CLEC16A: variants seen among roughly 807,000 people sequenced by gnomAD.
CLEC16A encodes the protein C-type lectin domain containing 16A, also known as protein CLEC16A.
In CLEC16A, 51 loss-of-function variants were observed where a neutral mutation model predicts 109.5. The ratio of observed to expected loss-of-function variants is 0.47; its 90% CI spans 0.37 to 0.59. CLEC16A has a LOEUF of 0.59. CLEC16A is among the 20% of genes least tolerant of loss of function. The pLI, the probability that CLEC16A is intolerant of heterozygous loss-of-function variation, is 0.00. For synonymous variants in CLEC16A, 673 were observed against 564.2 expected (o/e 1.19, Z -2.73); for missense variants, 1,339 against 1,394.0 (o/e 0.96, Z 0.63).
At chr16:10,967,859 C>T (rs912886574) in intron 3 of CLEC16A, among the ~76,000 whole-genome samples, 1 of 152,188 alleles carries the variant, frequency 6.6e-6, no homozygotes, top group Non-Finnish European at 1.5e-5. Flanking sequence ...CCAGAGCTTC[C>T]CAAACACTAG....
At chr16:11,114,932 G>A (rs867921748) in intron 19 of CLEC16A, among the ~76,000 whole-genome samples, 13 of 152,320 alleles carry the variant, frequency 8.5e-5, no homozygotes, top group Middle Eastern at 3.4e-3. Flanking sequence ...TGGTGTGGCC[G>A]CATTTTAGTT....
intron 2 of CLEC16A, among the ~76,000 whole-genome samples, chr16:10,962,016 G>A (rs2042272377): frequency 7.1e-6 from 1 of 140,824 alleles, no homozygotes; most frequent in South Asian, 2.2e-4. Context: ...GCAGTGGCCT[G>A]ATCATATCTC....
intron 7 of CLEC16A, among the ~76,000 whole-genome samples, chr16:10,975,412 G>GT (rs1340187087): frequency 1.3e-5 from 2 of 152,156 alleles, no homozygotes; most frequent in African/African-American, 4.8e-5. Flanking sequence ...TGCTATTTGA[G>GT]TTTTAAACCT....
intron 22 of CLEC16A, among the ~76,000 whole-genome samples, chr16:11,164,065 T>C (rs1464154627): frequency 6.6e-6 from 1 of 152,094 alleles, no homozygotes; most frequent in East Asian, 1.9e-4. Flanking sequence ...TTGCCATAGT[T>C]CATCTGAGCG....
intron 2 of CLEC16A, among the ~76,000 whole-genome samples, chr16:10,959,435 A>G (rs1027120350): frequency 6.6e-6 from 1 of 152,192 alleles, no homozygotes; most frequent in Non-Finnish European, 1.5e-5. Flanking sequence ...TCTGTCATCC[A>G]GGCTGGAGTG....
Position 10,972,575 on chromosome 16 carries a change from C to T in CLEC16A, c.604+16C>T. On this transcript the variant is annotated intron_variant, in intron 6 of 23. Coordinates refer to ENST00000409790, the MANE Select transcript of CLEC16A (RefSeq NM_015226.3). ...CCAGTGTCATGTAAGTTATTAACCT[C>T]TGGTTTTCTGCTTTCTTAATCTACC... 6.2e-7 allele frequency: 1 copy of T among 1,608,926 alleles called. No individual in the cohort carries two copies. Among genetic ancestry groups the T allele is most frequent in the East Asian group, 2.2e-5 (1 of 44,848 alleles).
intron 10 of CLEC16A, among the ~76,000 whole-genome samples, chr16:10,984,216 C>A (rs983847420): frequency 7.2e-5 from 11 of 152,122 alleles, no homozygotes; most frequent in African/African-American, 2.4e-4. Flanking sequence ...TTACAAGAGG[C>A]CCCTGCCCTT....
At chr16:11,027,751 G>T in intron 13 of CLEC16A, 12 of 1,484,370 alleles carry the variant, frequency 8.1e-6, no homozygotes, top group Non-Finnish European at 1.1e-5. Context: ...CAGCTCATCC[G>T]CCAGCTGAAC....
At chr16:10,974,754 A>G (rs2042958823) in intron 7 of CLEC16A, among the ~76,000 whole-genome samples, 1 of 152,242 alleles carries the variant, frequency 6.6e-6, no homozygotes, top group Non-Finnish European at 1.5e-5. Context: ...TTAAACAGTC[A>G]TGGATGCGAG....
chr16:11,175,123 G>A (rs1000433154), intron 23 of CLEC16A, among the ~76,000 whole-genome samples: 3 of 152,166 alleles, frequency 2.0e-5, no homozygotes, highest in East Asian at 3.8e-4. Context: ...TCCCAGCCCA[G>A]CACAACAAAT....
intron 19 of CLEC16A, among the ~76,000 whole-genome samples, chr16:11,067,171 T>TG (rs2048810582): frequency 6.8e-6 from 1 of 146,480 alleles, no homozygotes; most frequent in Non-Finnish European, 1.5e-5. Context: ...TTTTTTGGTT[T>TG]TTTTTTTGTT....
chr16:11,010,432 A>T (rs900276651), intron 11 of CLEC16A, among the ~76,000 whole-genome samples: 4 of 152,192 alleles, frequency 2.6e-5, no homozygotes, highest in Non-Finnish European at 4.4e-5. Flanking sequence ...ATTTGAAAAT[A>T]ATTTCAAATT....
At chr16:11,044,144 A>T in intron 16 of CLEC16A, 72 bp downstream of exon 16, 1 of 1,344,564 alleles carries the variant, frequency 7.4e-7, no homozygotes, top group Non-Finnish European at 1.0e-6. Context: ...GTCTGGTTCT[A>T]TGCAGATAAA....
chr16:11,144,512 G>A (rs2053973564), intron 22 of CLEC16A, among the ~76,000 whole-genome samples: 1 of 152,086 alleles, frequency 6.6e-6, no homozygotes, highest in Non-Finnish European at 1.5e-5. Flanking sequence ...GGACCTACAG[G>A]CAGCCCTAAC....
At chr16:11,129,922 C>G (rs983688715) in intron 22 of CLEC16A, among the ~76,000 whole-genome samples, 1 of 152,110 alleles carries the variant, frequency 6.6e-6, no homozygotes, top group Admixed American at 6.6e-5. Flanking sequence ...ACCACCACGC[C>G]CGGTTAATTT....
chr16:10,993,035 G>C (rs542326079), intron 10 of CLEC16A, among the ~76,000 whole-genome samples: 1 of 152,200 alleles, frequency 6.6e-6, no homozygotes, highest in South Asian at 2.1e-4. Context: ...GGGATCAGGA[G>C]AGAGGCCAGC....
rs1395611831 is a variant in CLEC16A, at chr16:11,124,827, C to G, written c.2473+881C>G. On this transcript the variant is annotated intron_variant, in intron 21 of 23. Coordinates refer to ENST00000409790, the MANE Select transcript of CLEC16A (RefSeq NM_015226.3). ...CTTGACCAGGCACGGTGGTTCATGTCTGTAATCTCAGCACTTCGGGAGGCC... is the reference window on the plus strand; with the variant it reads ...CTTGACCAGGCACGGTGGTTCATGTGTGTAATCTCAGCACTTCGGGAGGCC... Among the ~76,000 whole-genome samples the G allele has an allele frequency of 2.6e-5, 4 of 152,178 alleles. No homozygotes were observed. In the East Asian group the frequency reaches 7.7e-4, roughly 29 times the overall value.
intron 19 of CLEC16A, among the ~76,000 whole-genome samples, chr16:11,087,085 A>G (rs1313547313): frequency 1.3e-5 from 2 of 152,238 alleles, no homozygotes; most frequent in Non-Finnish European, 2.9e-5. Context: ...AAACCCGTGA[A>G]ATCAGGAGAT....
chr16:11,141,965 C>T (rs1308718893), intron 22 of CLEC16A, among the ~76,000 whole-genome samples: 1 of 152,130 alleles, frequency 6.6e-6, no homozygotes, highest in Non-Finnish European at 1.5e-5. Flanking sequence ...GCACTTGGCC[C>T]CCACACTGTC....
Sources: gnomAD v4.1 joint callset for allele counts (sites outside exome capture counted in the v4.1 genomes callset) on GRCh38, gnomAD v4.1.1 for gene constraint, MANE v1.5 for transcripts, NCBI Gene and HGNC (gene_info 2026-07-23, HGNC 2026-07-21) for gene names.